CCDC191: variants seen among roughly 807,000 people sequenced by gnomAD.
CCDC191 encodes coiled-coil domain containing 191, also known as coiled-coil domain-containing protein 191.
Under a neutral mutation model 114.0 loss-of-function variants are expected in CCDC191, and 99 were observed. The ratio of observed to expected loss-of-function variants is 0.87; its 90% confidence interval spans 0.74 to 1.03. The LOEUF is 1.03. Among genes scored for constraint, CCDC191 ranks in the 50% least tolerant of loss-of-function variants. The pLI, the probability that CCDC191 is intolerant of heterozygous loss-of-function variation, is 0.00. For synonymous variants in CCDC191, 351 were observed against 376.0 expected, an observed-to-expected ratio of 0.93 and a Z score of 0.77; for missense variants, 973 against 1,087.0, an observed-to-expected ratio of 0.90 and a Z score of 1.47.
intron 8 of CCDC191, among the ~76,000 whole-genome samples, chr3:114,014,717 GATC>G (rs957207092): frequency 6.6e-6 from 1 of 152,078 alleles, no homozygotes; most frequent in Non-Finnish European, 1.5e-5. Flanking sequence ...CTCCCCAGGG[GATC>G]ATAATGGAGG....
chr3:113,991,616 G>A (rs1474332381), intron 13 of CCDC191, among the ~76,000 whole-genome samples: 1 of 152,188 alleles, frequency 6.6e-6, no homozygotes. Context: ...ACAAGGCAAG[G>A]ATGTCTTCTC....
chr3:114,050,572 T>C (rs1054315104), intron 2 of CCDC191, among the ~76,000 whole-genome samples: 1 of 152,136 alleles, frequency 6.6e-6, no homozygotes, highest in African/African-American at 2.4e-5. Context: ...AGGATCTGGA[T>C]TGGCCTCTCA....
intron 2 of CCDC191, chr3:114,046,970 G>C (rs538083170): frequency 3.1e-6 from 3 of 957,702 alleles, no homozygotes; most frequent in South Asian, 9.7e-5. Context: ...TCACAATTTT[G>C]ATATTTGAAT....
At chr3:113,992,240 C>T (rs2075591980) in intron 13 of CCDC191, among the ~76,000 whole-genome samples, 1 of 152,156 alleles carries the variant, frequency 6.6e-6, no homozygotes, top group Non-Finnish European at 1.5e-5. Flanking sequence ...GAGAGACCCC[C>T]ACAGCCTGTG....
chr3:113,972,094 T>C (rs1357271971), intron 16 of CCDC191, among the ~76,000 whole-genome samples: 2 of 152,088 alleles, frequency 1.3e-5, no homozygotes, highest in African/African-American at 4.8e-5. Context: ...AGATTTATAT[T>C]ATTTCCTTTC....
At position 114,048,018 on chromosome 3, in the gene CCDC191, A is replaced by G. The variant is rs2076653434; in HGVS notation, c.130-1286T>C. Among the ~76,000 whole-genome samples, 2 of 151,996 alleles carry G rather than the reference A, an allele frequency of 1.3e-5. 1 individual carries two copies. ...AAACTTATTTTATAACTTAACCCCT[A>G]ACTTCCCCCTCCCAGAAACCTGCTT... On this transcript the variant is annotated intron_variant, in intron 2 of 16. Coordinates refer to ENST00000295878, the MANE Select transcript of CCDC191 (RefSeq NM_020817.2).
intron 3 of CCDC191, among the ~76,000 whole-genome samples, chr3:114,044,717 T>C (rs2076606431): frequency 2.0e-5 from 3 of 152,248 alleles, no homozygotes; most frequent in African/African-American, 7.2e-5. Flanking sequence ...GTAATTTATA[T>C]GCAAAATAAT....
At chr3:114,015,254 T>C (rs2076140280) in intron 8 of CCDC191, among the ~76,000 whole-genome samples, 1 of 152,126 alleles carries the variant, frequency 6.6e-6, no homozygotes, top group Non-Finnish European at 1.5e-5. Context: ...AAAAGCATGT[T>C]CCAGGAAAGG....
intron 9 of CCDC191, among the ~76,000 whole-genome samples, chr3:114,006,587 G>GATATATATATATATATATATATAT (rs67264886): frequency 2.3e-4 from 19 of 82,580 alleles, no homozygotes; most frequent in South Asian, 1.3e-3. Context: ...GGTTACTCCA[G>GATATATATATATATATATATATAT]ATATATATAT....
Position 114,018,803 on chromosome 3 carries a change from T to C in CCDC191, c.1038A>G (p.Lys346=). ...TCTTCCAGTCAGACAGGGTCCCAGCTTTCCCCAGCTTAATCCTATGATCAA... is the reference window on the plus strand; with the variant it reads ...TCTTCCAGTCAGACAGGGTCCCAGCCTTCCCCAGCTTAATCCTATGATCAA... The part of the protein sequence containing the change: ...LILDHRIKLG[K]AGTLSDWKIQ... Residue 346 remains lysine, a synonymous_variant, in exon 8 of 17, where the codon AAA becomes AAG. Transcript: ENST00000295878. The C allele has an allele frequency of 6.2e-7, 1 of 1,613,892 alleles. No homozygotes were observed. The highest frequency in any genetic ancestry group is 8.5e-7 in the Non-Finnish European group (1 of 1,179,858).
intron 13 of CCDC191, among the ~76,000 whole-genome samples, chr3:113,982,543 A>C (rs1480323873): frequency 6.6e-6 from 1 of 152,110 alleles, no homozygotes; most frequent in Non-Finnish European, 1.5e-5. Context: ...ACTGAGGCTA[A>C]AAAGGGATAT....
At chr3:113,988,987 A>G (rs2075466264) in intron 13 of CCDC191, among the ~76,000 whole-genome samples, 1 of 152,040 alleles carries the variant, frequency 6.6e-6, no homozygotes, top group Non-Finnish European at 1.5e-5. Flanking sequence ...TAGTAGAGAC[A>G]GGGTTTCACC....
intron 16 of CCDC191, among the ~76,000 whole-genome samples, chr3:113,973,005 T>C (rs1400646749): frequency 2.0e-5 from 3 of 152,160 alleles, no homozygotes; most frequent in African/African-American, 7.2e-5. Flanking sequence ...TCTTTATCCA[T>C]CAGCCACTCT....
At chr3:113,994,385 C>T (rs1229181535) in intron 13 of CCDC191, among the ~76,000 whole-genome samples, 3 of 152,092 alleles carry the variant, frequency 2.0e-5, no homozygotes, top group African/African-American at 7.2e-5. Flanking sequence ...CCCTAACTGA[C>T]AATAACAAAT....
intron 7 of CCDC191, among the ~76,000 whole-genome samples, chr3:114,028,386 C>T (rs570803963): frequency 6.6e-6 from 1 of 150,622 alleles, no homozygotes; most frequent in East Asian, 2.0e-4. Context: ...CCTGGGTTCA[C>T]GCCATTCTCC....
chr3:113,993,668 T>C (rs2075639446), intron 13 of CCDC191, among the ~76,000 whole-genome samples: 1 of 152,046 alleles, frequency 6.6e-6, no homozygotes, highest in Admixed American at 6.6e-5. Context: ...GTGGATCACT[T>C]GAGGTCAGGA....
At chr3:114,037,183 G>A (rs1577462217) in intron 4 of CCDC191, 3 of 152,280 alleles carry the variant, frequency 2.0e-5, no homozygotes, top group Admixed American at 2.0e-4. Flanking sequence ...TAAAGTTTAC[G>A]ATAAATTTCG....
chr3:114,012,602 A>G (rs2076089675), intron 8 of CCDC191, among the ~76,000 whole-genome samples: 1 of 152,230 alleles, frequency 6.6e-6, no homozygotes, highest in African/African-American at 2.4e-5. Flanking sequence ...ATAAATAGTG[A>G]ACAAAAAAAC....
intron 13 of CCDC191, among the ~76,000 whole-genome samples, chr3:113,983,216 A>G (rs2075231531): frequency 6.6e-6 from 1 of 152,118 alleles, no homozygotes; most frequent in Non-Finnish European, 1.5e-5. Context: ...TTTTGATTCT[A>G]AACTCTCCTG....
Sources: allele counts gnomAD v4.1 joint callset (sites outside exome capture counted in the v4.1 genomes callset), GRCh38; gene constraint gnomAD v4.1.1; transcripts MANE v1.5; gene names NCBI Gene and HGNC (gene_info 2026-07-23, HGNC 2026-07-21).